ABCA1: variants seen among roughly 807,000 people sequenced by gnomAD.
ABCA1 encodes the protein phospholipid-transporting ATPase ABCA1.
ABCA1 carries 133 observed loss-of-function variants against 262.5 expected under a neutral mutation model. The observed-to-expected ratio is 0.51, with a 90% confidence interval of 0.44 to 0.59. The LOEUF is 0.59. Among genes scored for constraint, ABCA1 ranks in the 20% least tolerant of loss-of-function variants. The probability of loss-of-function intolerance (pLI) is 0.00; values close to 1 mark genes in which losing one functional copy is unlikely to be tolerated. For missense variants in ABCA1, 2,452 were observed against 2,777.5 expected (o/e 0.88, Z 2.63); for synonymous variants, 1,022 against 1,043.5 (o/e 0.98, Z 0.40).
chr9:104,845,918 C>T (rs908823856), intron 7 of ABCA1, among the ~76,000 whole-genome samples: 5 of 152,114 alleles, frequency 3.3e-5, no homozygotes, highest in South Asian at 2.1e-4. Context: ...ATGGGTAATA[C>T]GGGAATGGCT....
At chr9:104,900,732 G>GC (rs1840600777) in intron 2 of ABCA1, among the ~76,000 whole-genome samples, 1 of 152,134 alleles carries the variant, frequency 6.6e-6, no homozygotes, top group African/African-American at 2.4e-5. Flanking sequence ...GGGCACCTGT[G>GC]CCCCCCTGAG....
chr9:104,814,375 A>G lies in ABCA1; in HGVS notation c.3787+52T>C, dbSNP rs75488496. 2.9e-3 allele frequency: 4,614 copies of G among 1,597,096 alleles called. 98 individuals are homozygous for G. The African/African-American group carries it at 0.053, about 18-fold the overall frequency. ...AGGAACAATACTCGTGCACTGAGAA[A>G]GCCAGCAGAAGGCACTATCTTAAGT... On this transcript the variant is annotated intron_variant, in intron 26 of 49. Transcript: ENST00000374736.
At chr9:104,865,848 A>G (rs1364402578) in intron 5 of ABCA1, among the ~76,000 whole-genome samples, 1 of 152,238 alleles carries the variant, frequency 6.6e-6, no homozygotes, top group African/African-American at 2.4e-5. Context: ...CAACAATGCC[A>G]TTTATAGAAA....
chr9:104,875,583 C>T (rs1309372292), intron 5 of ABCA1, among the ~76,000 whole-genome samples: 1 of 152,106 alleles, frequency 6.6e-6, no homozygotes, highest in Non-Finnish European at 1.5e-5. Flanking sequence ...ATCTCCAGCA[C>T]AGTGACAAAA....
intron 11 of ABCA1, among the ~76,000 whole-genome samples, chr9:104,835,059 C>T (rs933617113): frequency 1.3e-5 from 2 of 152,048 alleles, no homozygotes; most frequent in African/African-American, 4.8e-5. Flanking sequence ...TCCAGCCCGA[C>T]CAACATGGTG....
At chr9:104,916,798 A>G (rs1841871534) in intron 1 of ABCA1, among the ~76,000 whole-genome samples, 1 of 152,030 alleles carries the variant, frequency 6.6e-6, no homozygotes, top group Non-Finnish European at 1.5e-5. Flanking sequence ...TCCTGCCTCC[A>G]CCTCCCAAAG....
chr9:104,838,831 G>C (rs1018419580), intron 9 of ABCA1, among the ~76,000 whole-genome samples: 11 of 150,690 alleles, frequency 7.3e-5, no homozygotes, highest in Non-Finnish European at 1.6e-4. Flanking sequence ...TTTTTAATGA[G>C]GATGCCCTCA....
chr9:104,913,896 C>G (rs1171342124), intron 1 of ABCA1, among the ~76,000 whole-genome samples: 1 of 152,064 alleles, frequency 6.6e-6, no homozygotes, highest in African/African-American at 2.4e-5. Flanking sequence ...CCCGGCTTCA[C>G]GCCATTCTCC....
chr9:104,832,314 G>A (rs1833411610), intron 12 of ABCA1, among the ~76,000 whole-genome samples: 1 of 152,162 alleles, frequency 6.6e-6, no homozygotes, highest in Admixed American at 6.5e-5. Flanking sequence ...AGAAGAAAAT[G>A]GGTAGAAATA....
chr9:104,805,557 G>T (rs1830688819), intron 31 of ABCA1, among the ~76,000 whole-genome samples: 1 of 152,100 alleles, frequency 6.6e-6, no homozygotes, highest in African/African-American at 2.4e-5. Flanking sequence ...CCCAAACAGA[G>T]TCTCTAAGAA....
chr9:104,858,776 G>A (rs1394506644), intron 6 of ABCA1, 78 bp from the exon 7 acceptor site: 6 of 1,427,654 alleles, frequency 4.2e-6, no homozygotes, highest in Admixed American at 3.4e-5. Context: ...AAGTCTTTTG[G>A]AGAACTTCAT....
chr9:104,817,420 G>A lies in ABCA1; in HGVS notation c.3463-16C>T. ...CACTGTCCTCCTGATGGCAAAGAAG[G>A]AGGTGAGAACGGGTCAGGGACGGAG... is the stretch of plus-strand genomic sequence containing the variant. On this transcript the variant is annotated splice_polypyrimidine_tract_variant and intron_variant, in intron 23 of 49. Transcript: ENST00000374736. The surrounding 1 kb of genome is among the most constrained non-coding windows in gnomAD (Gnocchi z 4.7). 6.2e-7 allele frequency: 1 copy of A among 1,614,196 alleles called. No homozygotes were observed. Among genetic ancestry groups the A allele is most frequent in the East Asian group, 2.2e-5 (1 of 44,884 alleles).
chr9:104,885,166 G>C (rs967438871), intron 3 of ABCA1, among the ~76,000 whole-genome samples: 24 of 152,190 alleles, frequency 1.6e-4, no homozygotes, highest in African/African-American at 5.5e-4. Flanking sequence ...AACTCAGGAG[G>C]GGGAGGTTGC....
At chr9:104,869,900 C>T (rs1329564392) in intron 5 of ABCA1, among the ~76,000 whole-genome samples, 1 of 145,850 alleles carries the variant, frequency 6.9e-6, no homozygotes, top group African/African-American at 2.6e-5. Flanking sequence ...GGAGGTCTAG[C>T]TTCCTATACG....
In ABCA1 at chr9:104,818,749, A is replaced by G. The variant is rs760696627; in HGVS notation, c.3376T>C (p.Tyr1126His). The G allele has an allele frequency of 6.2e-7, 1 of 1,613,978 alleles. No homozygotes were observed. Among genetic ancestry groups the G allele is most frequent in the Non-Finnish European group, 8.5e-7 (1 of 1,180,036 alleles). Residue 1126 changes from tyrosine to histidine, a missense_variant, in exon 23 of 50, where the codon TAC becomes CAC. Physicochemically the swap from Tyr to His is moderately conservative, Grantham distance 83. Around this residue, in one of 4 missense-constraint regions of ABCA1, gnomAD observed 665 missense variants for 727.3 expected, o/e 0.91. Coordinates refer to ENST00000374736, the MANE Select transcript of ABCA1 (RefSeq NM_005502.4). ...LFLKNQLGTG[Y>H]YLTLVKKDVE... ...TCTTTCTTGACCAAGGTCAGGTAGTAGCCTGTTCCCAGCTGGTTCTTCAGA... is the reference window on the plus strand; with the variant it reads ...TCTTTCTTGACCAAGGTCAGGTAGTGGCCTGTTCCCAGCTGGTTCTTCAGA...
rs536848431 is a variant in ABCA1, at chr9:104,794,391, C to A, written c.5502G>T (p.Arg1834Ser). ...KNQAMADALE[R>S]FGENRFVSPL... ...TACAGCCACTGCTTCACTCACCAAA[C>A]CTTTCCAGGGCATCAGCCATTGCCT... The change falls in exon 40 of 50, where the codon AGG becomes AGT. Residue 1834 changes from arginine (R) to serine (S), a missense_variant. Physicochemically the swap from Arg to Ser is moderately radical, Grantham distance 110. Coordinates refer to ENST00000374736, the MANE Select transcript of ABCA1 (RefSeq NM_005502.4). The A allele has an allele frequency of 1.7e-5, 27 of 1,613,994 alleles. No homozygotes were observed. The Admixed American group carries it at 2.7e-4, about 16-fold the overall frequency.
chr9:104,842,417 C>T (rs550385509), intron 8 of ABCA1, among the ~76,000 whole-genome samples: 71 of 152,242 alleles, frequency 4.7e-4, no homozygotes, highest in African/African-American at 1.7e-3. Context: ...TCACCACCAA[C>T]CCACCACTCC....
intron 27 of ABCA1, among the ~76,000 whole-genome samples, chr9:104,813,075 G>A (rs1831421994): frequency 6.6e-6 from 1 of 152,200 alleles, no homozygotes; most frequent in Non-Finnish European, 1.5e-5. Flanking sequence ...GGCCATGTAC[G>A]TAGCTTGACA....
At chr9:104,821,625 T>A in intron 19 of ABCA1, 119 bp from the exon 20 acceptor site, 2 of 1,189,160 alleles carry the variant, frequency 1.7e-6, no homozygotes, top group South Asian at 1.3e-5. Context: ...CATTCCTTTC[T>A]AATGAACCCT....
Sources: gnomAD v4.1 joint callset for allele counts (sites outside exome capture counted in the v4.1 genomes callset) on GRCh38, gnomAD v4.1.1 for gene constraint, gnomAD v4.1.1 regional missense constraint, Gnocchi (gnomAD v3.1) non-coding constraint, MANE v1.5 for transcripts, NCBI Gene and HGNC (gene_info 2026-07-23, HGNC 2026-07-21) for gene names.